RTN4R: variants seen among roughly 807,000 people sequenced by gnomAD.
RTN4R encodes the protein reticulon 4 receptor.
A neutral mutation model predicts 27.7 loss-of-function variants in RTN4R; 4 were observed. That is an observed-to-expected ratio of 0.14 (90% CI 0.07 to 0.33). The LOEUF is 0.33. RTN4R is among the 10% of genes least tolerant of loss of function. The pLI, the probability that RTN4R is intolerant of heterozygous loss-of-function variation, is 1.00. For missense variants in RTN4R, 554 were observed against 671.5 expected (o/e 0.83, Z 1.93); for synonymous variants, 290 against 305.6 (o/e 0.95, Z 0.53).
chr22:20,242,308 C>T lies in RTN4R; in HGVS notation c.825G>A (p.Leu275=). The T allele has an allele frequency of 6.2e-7, 1 of 1,607,750 alleles. No individual in the cohort carries two copies. Among genetic ancestry groups the T allele is most frequent in the Non-Finnish European group, 8.5e-7 (1 of 1,178,018 alleles). ...CGGAGGAGGAGCCGCGGAACTTCTG[C>T]AGCCAGGCCCAGAGTGGGCGTGCCC... ...DCRARPLWAW[L]QKFRGSSSEV... Residue 275 remains leucine, a synonymous_variant, in exon 2 of 2, where the codon CTG becomes CTA. Transcript: ENST00000043402.
intron 1 of RTN4R, among the ~76,000 whole-genome samples, chr22:20,266,023 G>A (rs2051274821): frequency 6.6e-6 from 1 of 152,342 alleles, no homozygotes; most frequent in South Asian, 2.1e-4. Context: ...GGCAGGCCCT[G>A]CACGTGCCCC....
chr22:20,251,593 ATCATTACCATCC>A (rs1208410703), intron 1 of RTN4R, among the ~76,000 whole-genome samples: 1 of 150,036 alleles, frequency 6.7e-6, no homozygotes, highest in Admixed American at 6.7e-5. Context: ...CACCACTATC[ATCATTACCATCC>A]TCATTACCAT....
chr22:20,247,373 C>A (rs758804697), intron 1 of RTN4R, among the ~76,000 whole-genome samples: 1 of 152,026 alleles, frequency 6.6e-6, no homozygotes, highest in Non-Finnish European at 1.5e-5. Context: ...TAGCTCCAGG[C>A]GGGGGTGGCG....
intron 1 of RTN4R, among the ~76,000 whole-genome samples, chr22:20,256,513 C>G (rs1056320980): frequency 6.6e-6 from 1 of 152,224 alleles, no homozygotes; most frequent in Non-Finnish European, 1.5e-5. Context: ...AGCCCTGGCC[C>G]CATCCCCTTT....
chr22:20,267,263 G>A (rs568985638), intron 1 of RTN4R, among the ~76,000 whole-genome samples: 1 of 152,268 alleles, frequency 6.6e-6, no homozygotes, highest in Non-Finnish European at 1.5e-5. Context: ...CGTGTGTGCA[G>A]CCTGCGGCAC....
chr22:20,256,628 C>T (rs559886975), intron 1 of RTN4R, among the ~76,000 whole-genome samples: 1 of 152,296 alleles, frequency 6.6e-6, no homozygotes, highest in East Asian at 1.9e-4. Flanking sequence ...TATTTAAAAC[C>T]TTGCAACCCA....
chr22:20,264,579 T>C (rs1430004534), intron 1 of RTN4R, among the ~76,000 whole-genome samples: 1 of 152,170 alleles, frequency 6.6e-6, no homozygotes, highest in Non-Finnish European at 1.5e-5. Context: ...AGTGAATGAA[T>C]GAACAAATGA....
At chr22:20,251,355 G>T (rs200812774) in intron 1 of RTN4R, among the ~76,000 whole-genome samples, 1 of 152,096 alleles carries the variant, frequency 6.6e-6, no homozygotes, top group East Asian at 1.9e-4. Flanking sequence ...AGGGAGTGCG[G>T]TCCCTCCTTG....
rs1324555188 is a variant in RTN4R at position 20,251,971 on chromosome 22, TATCACC to T, written c.23-8867_23-8862del. Among the ~76,000 whole-genome samples the T allele has an allele frequency of 6.5e-3, 221 of 34,112 alleles. 1 individual carries two copies. The highest frequency in any genetic ancestry group is 0.019 in the African/African-American group (164 of 8,540). 22.4% of individuals were successfully genotyped at this position (34,112 alleles called of 152,430 possible). On this transcript the variant is annotated intron_variant, in intron 1 of 1. Coordinates refer to ENST00000043402, the MANE Select transcript of RTN4R (RefSeq NM_023004.6). Reference sequence around the variant, plus strand: ...GCAGCACCATCCTTATCCTCATCACTATCACCATCACCATCACCATCATCACCATCC... The same window carrying T: ...GCAGCACCATCCTTATCCTCATCACTATCACCATCACCATCATCACCATCC...
chr22:20,267,747 G>T (rs983570962), intron 1 of RTN4R: 12 of 405,600 alleles, frequency 3.0e-5, no homozygotes, highest in Admixed American at 6.1e-5. Flanking sequence ...CTCCGAGGCC[G>T]GGCCCCGCCC....
intron 1 of RTN4R, among the ~76,000 whole-genome samples, chr22:20,257,876 C>T (rs2051220747): frequency 6.6e-6 from 1 of 152,114 alleles, no homozygotes; most frequent in African/African-American, 2.4e-5. Context: ...CCAACGTGAT[C>T]GGCCCTGCAG....
At chr22:20,267,959 G>T in intron 1 of RTN4R, 112 bp downstream of exon 1, 1 of 580,120 alleles carries the variant, frequency 1.7e-6, no homozygotes, top group Non-Finnish European at 2.4e-6. Context: ...GCCCGGCTAC[G>T]CTTCCCTCGC....
intron 1 of RTN4R, among the ~76,000 whole-genome samples, chr22:20,248,660 G>A (rs893621571): frequency 3.9e-5 from 6 of 152,192 alleles, no homozygotes; most frequent in African/African-American, 1.4e-4. Context: ...GGCACTCACG[G>A]TCCAGGGCCA....
At chr22:20,252,671 A>T (rs904093100) in intron 1 of RTN4R, among the ~76,000 whole-genome samples, 3 of 152,068 alleles carry the variant, frequency 2.0e-5, no homozygotes, top group African/African-American at 7.2e-5. Flanking sequence ...AGCCCCAGGG[A>T]TGACACAGCA....
chr22:20,250,110 T>A (rs1464742277), intron 1 of RTN4R, among the ~76,000 whole-genome samples: 1 of 152,046 alleles, frequency 6.6e-6, no homozygotes, highest in Non-Finnish European at 1.5e-5. Flanking sequence ...CAGGAGAGGA[T>A]CCTCCTCAGC....
intron 1 of RTN4R, among the ~76,000 whole-genome samples, chr22:20,263,170 C>A (rs188522578): frequency 6.6e-6 from 1 of 152,238 alleles, no homozygotes; most frequent in African/African-American, 2.4e-5. Context: ...GGTCCCTCCA[C>A]CCACTGGGCG....
chr22:20,266,415 G>GGT (rs1420322481), intron 1 of RTN4R, among the ~76,000 whole-genome samples: 1 of 152,238 alleles, frequency 6.6e-6, no homozygotes, highest in Non-Finnish European at 1.5e-5. Flanking sequence ...CAACACCGGA[G>GGT]GTAGGGGAGC....
At chr22:20,243,904 CATTACAGGGCCAG>C (rs2051124967) in intron 1 of RTN4R, among the ~76,000 whole-genome samples, 1 of 152,130 alleles carries the variant, frequency 6.6e-6, no homozygotes, top group South Asian at 2.1e-4. Context: ...ACCCCTCCTC[CATTACAGGGCCAG>C]ATACACCTGG....
chr22:20,242,568 G>T lies in RTN4R; in HGVS notation c.565C>A (p.Arg189Ser). The change falls in exon 2 of 2, where the codon CGC becomes AGC. Residue 189 changes from arginine (R) to serine (S), a missense_variant. By Grantham distance (110) the Arg-to-Ser change is moderately radical. Coordinates refer to ENST00000043402, the MANE Select transcript of RTN4R (RefSeq NM_023004.6). ...GCGCGCTCGGGCACGCTGGAGATGC[G>T]GTTGCCGTGCAGGAAGAGGTGTGTG... ...NLTHLFLHGN[R>S]ISSVPERAFR... 1.2e-6 allele frequency: 2 copies of T among 1,613,514 alleles called. No individual in the cohort carries two copies. The highest frequency in any genetic ancestry group is 1.7e-6 in the Non-Finnish European group (2 of 1,179,964).
Sources: gnomAD v4.1 joint callset for allele counts (sites outside exome capture counted in the v4.1 genomes callset) on GRCh38, gnomAD v4.1.1 for gene constraint, MANE v1.5 for transcripts, NCBI Gene and HGNC (gene_info 2026-07-23, HGNC 2026-07-21) for gene names.